The following SFTPA2 variants were observed in gnomAD, a reference collection of about 807,000 sequenced individuals.
The protein encoded by SFTPA2 is surfactant protein A2.
In SFTPA2, 21 loss-of-function variants were observed where a neutral mutation model predicts 20.3. The observed-to-expected ratio is 1.03, with a 90% CI of 0.73 to 1.49. SFTPA2 has a LOEUF of 1.49. SFTPA2 is among the 40% of genes most tolerant of loss of function. The pLI is 0.00. For synonymous variants in SFTPA2, 116 were observed against 118.7 expected, an observed-to-expected ratio of 0.98 and a Z score of 0.15; for missense variants, 302 against 314.8, an observed-to-expected ratio of 0.96 and a Z score of 0.31.
At position 79,557,241 on chromosome 10, in the gene SFTPA2, G is replaced by A. The variant is rs1337448601; in HGVS notation, c.715C>T (p.Leu239=). Residue 239 remains leucine, a synonymous_variant, in exon 6 of 6, where the codon CTG becomes TTG. Coordinates refer to ENST00000372325, the MANE Select transcript of SFTPA2 (RefSeq NM_001098668.4). ...TDGQWNDRNC[L]YSRLTICEF ...TCACAGATGGTCAGTCGGGAGTACA[G>A]GCAGTTCCTGTCATTCCACTGCCCA... The A allele has an allele frequency of 1.2e-6, 2 of 1,614,144 alleles. No homozygotes were observed. Among genetic ancestry groups the A allele is most frequent in the African/African-American group, 1.3e-5 (1 of 75,026 alleles).
At chr10:79,560,050 A>G (rs899211120) in intron 1 of SFTPA2, 52 bp from the exon 2 acceptor site, 4 of 1,070,548 alleles carry the variant, frequency 3.7e-6, no homozygotes, top group Non-Finnish European at 2.3e-6. Flanking sequence ...CTTCAAGGTG[A>G]TCATCGGGGG....
In SFTPA2 at chr10:79,558,307, G is replaced by A. The variant is rs545083311; in HGVS notation, c.293-178C>T. Reference sequence around the variant, plus strand: ...TTCCAGTGTGTCTCCACACCCCGTGGTCCCCTATTCTTTAGTGAAGCCTTG... The same window carrying A: ...TTCCAGTGTGTCTCCACACCCCGTGATCCCCTATTCTTTAGTGAAGCCTTG... On this transcript the variant is annotated intron_variant, in intron 4 of 5. Coordinates refer to ENST00000372325, the MANE Select transcript of SFTPA2 (RefSeq NM_001098668.4). The A allele has an allele frequency of 7.1e-3, 6,806 of 956,524 alleles. 39 individuals carry two copies. Among genetic ancestry groups the A allele is most frequent in the South Asian group, 0.02 (413 of 20,674 alleles). The allele number at this position is 956,524 out of a possible 1,614,324, so 59.3% of individuals were successfully genotyped here.
chr10:79,559,528 G>A, intron 2 of SFTPA2, 22 bp from the exon 3 acceptor site: 2 of 1,609,376 alleles, frequency 1.2e-6, no homozygotes, highest in Non-Finnish European at 1.7e-6. Context: ...ATGGCCGTGA[G>A]CCCATCTGCC....
Position 79,558,100 on chromosome 10 carries a change from G to A in SFTPA2, c.322C>T (p.Gln108Ter). Residue 108 changes from glutamine to a stop codon, truncating the protein, a stop_gained, in exon 5 of 6, where the codon CAA becomes TAA. Transcript: ENST00000372325. LOFTEE classifies it low-confidence loss of function (END_TRUNC). ...GLPAHLDEEL[Q>*]ATLHDFRHQI... ...TGTCTGAAGTCGTGGAGTGTGGCTT[G>A]GAGCTCCTCATCTAGATGAGCTGGA... 6.2e-7 allele frequency: 1 copy of A among 1,614,024 alleles called. No individual in the cohort carries two copies.
rs17886890 is a variant in SFTPA2 at position 79,559,724 on chromosome 10, A to C, written c.-23-218T>G. The C allele has an allele frequency of 1.7e-3, 2,643 of 1,544,336 alleles. 2 individuals are homozygous for C. Among genetic ancestry groups the C allele is most frequent in the Non-Finnish European group, 1.9e-3 (2,214 of 1,143,042 alleles). ...CTCCGGCTGGAGGTTGTGGGGTCTCAAGACTGCTGAGGAGGAGGAAGAGTA... is the reference window on the plus strand; with the variant it reads ...CTCCGGCTGGAGGTTGTGGGGTCTCCAGACTGCTGAGGAGGAGGAAGAGTA... On this transcript the variant is annotated intron_variant, in intron 2 of 5. Coordinates refer to ENST00000372325, the MANE Select transcript of SFTPA2 (RefSeq NM_001098668.4).
chr10:79,559,927 A>G, intron 2 of SFTPA2, 42 bp downstream of exon 2: 1 of 1,359,482 alleles, frequency 7.4e-7, no homozygotes, highest in Admixed American at 3.1e-5. Context: ...GAGGTCACTC[A>G]CTCACTGACT....
At position 79,557,233 on chromosome 10, in the gene SFTPA2, G is replaced by A; in HGVS notation, c.723C>T (p.Ser241=). 6.2e-7 allele frequency: 1 copy of A among 1,614,130 alleles called. No individual in the cohort carries two copies. Among genetic ancestry groups the A allele is most frequent in the Non-Finnish European group, 8.5e-7 (1 of 1,180,020 alleles). The change falls in exon 6 of 6, where the codon TCC becomes TCT. Residue 241 remains serine, a synonymous_variant. Transcript: ENST00000372325. ...GQWNDRNCLY[S]RLTICEF ...CTCAGAACTCACAGATGGTCAGTCG[G>A]GAGTACAGGCAGTTCCTGTCATTCC...
intron 5 of SFTPA2, 79 bp downstream of exon 5, chr10:79,557,973 C>A: frequency 6.2e-7 from 1 of 1,603,478 alleles, no homozygotes; most frequent in Middle Eastern, 1.7e-4. Context: ...TTTGTCATCT[C>A]TATTCTAGAA....
intron 4 of SFTPA2, among the ~76,000 whole-genome samples, chr10:79,558,632 C>T (rs1278830416): frequency 6.6e-6 from 1 of 152,164 alleles, no homozygotes; most frequent in East Asian, 1.9e-4. Flanking sequence ...GTCCCTCGTC[C>T]CACACCTGAC....
chr10:79,557,351 T>C lies in SFTPA2; in HGVS notation c.605A>G (p.Asp202Gly). The C allele has an allele frequency of 2.5e-6, 4 of 1,614,148 alleles. No individual in the cohort carries two copies. The highest frequency in any genetic ancestry group is 3.4e-6 in the Non-Finnish European group (4 of 1,180,014). Reference protein sequence around the residue: ...GPSPGDFRYSDGTPVNYTNWY... With the variant: ...GPSPGDFRYSGGTPVNYTNWY... Reference sequence around the variant, plus strand: ...GTTGGTGTAGTTTACAGGGGTCCCATCTGAGTAGCGGAAGTCTCCAGGGCT... The same window carrying C: ...GTTGGTGTAGTTTACAGGGGTCCCACCTGAGTAGCGGAAGTCTCCAGGGCT... Residue 202 changes from aspartate to glycine, a missense_variant, in exon 6 of 6, where the codon GAT becomes GGT. By Grantham distance (94) the Asp-to-Gly change is moderately conservative. Around this residue, in one of 3 missense-constraint regions of SFTPA2, gnomAD observed 264 missense variants for 261.7 expected, o/e 1.01. Coordinates refer to ENST00000372325, the MANE Select transcript of SFTPA2 (RefSeq NM_001098668.4).
At chr10:79,559,757 C>G (rs142688009) in intron 2 of SFTPA2, 119,419 of 1,526,496 alleles carry the variant, frequency 0.078, 5,848 homozygotes, top group Admixed American at 0.2. Flanking sequence ...GTAAGGAGCT[C>G]TGGGGAGCCC....
At chr10:79,559,087 C>T in intron 3 of SFTPA2, 82 bp from the exon 4 acceptor site, 1 of 1,613,014 alleles carries the variant, frequency 6.2e-7, no homozygotes, top group Non-Finnish European at 8.5e-7. Context: ...CCCATTATCA[C>T]CGGGGCTGGC....
At position 79,557,236 on chromosome 10, in the gene SFTPA2, G is replaced by A. The variant is rs1439805082; in HGVS notation, c.720C>T (p.Tyr240=). 12 of 1,614,208 alleles carry A rather than the reference G, an allele frequency of 7.4e-6. No individual in the cohort carries two copies. Among genetic ancestry groups the A allele is most frequent in the Non-Finnish European group, 9.3e-6 (11 of 1,180,040 alleles). The part of the protein sequence containing the change: ...DGQWNDRNCL[Y]SRLTICEF ...AGAACTCACAGATGGTCAGTCGGGAGTACAGGCAGTTCCTGTCATTCCACT... is the reference window on the plus strand; with the variant it reads ...AGAACTCACAGATGGTCAGTCGGGAATACAGGCAGTTCCTGTCATTCCACT... Residue 240 remains tyrosine (Y), a synonymous_variant, in exon 6 of 6, where the codon TAC becomes TAT. Coordinates refer to ENST00000372325, the MANE Select transcript of SFTPA2 (RefSeq NM_001098668.4).
Position 79,557,542 on chromosome 10 carries a change from G to A in SFTPA2, c.414C>T (p.Val138=). The change falls in exon 6 of 6, where the codon GTC becomes GTT. Residue 138 remains valine, a synonymous_variant. Coordinates refer to ENST00000372325, the MANE Select transcript of SFTPA2 (RefSeq NM_001098668.4). ...TGATGGACTGCCCATTGCTGGAGAA[G>A]ACCTTCTCTCCTACTGTCATTATGG... The part of the protein sequence containing the change: ...QGSIMTVGEK[V]FSSNGQSITF... 2 of 1,612,750 alleles carry A rather than the reference G, an allele frequency of 1.2e-6. No individual in the cohort carries two copies. Among genetic ancestry groups the A allele is most frequent in the African/African-American group, 1.3e-5 (1 of 74,856 alleles).
rs371238981 is a variant in SFTPA2 at position 79,559,463 on chromosome 10, G to A, written c.21C>T (p.Ala7=). 4.3e-6 allele frequency: 7 copies of A among 1,613,034 alleles called. No individual in the cohort carries two copies. In the African/African-American group the frequency reaches 9.4e-5, roughly 22 times the overall value. ...AGGCTGCCATCAAGATGAGGGTGAG[G>A]GCCAGAGGGCACAGCCACATGGCTC... is the stretch of plus-strand genomic sequence containing the variant. MWLCPL[A]LTLILMAASG... is the part of the protein sequence containing the mutation. The change falls in exon 3 of 6, where the codon GCC becomes GCT. Residue 7 remains alanine, a synonymous_variant. Coordinates refer to ENST00000372325, the MANE Select transcript of SFTPA2 (RefSeq NM_001098668.4).
Position 79,558,908 on chromosome 10 carries a change from C to T in SFTPA2, c.270G>A (p.Glu90=), listed in dbSNP as rs190913552. 5.2e-5 allele frequency: 84 copies of T among 1,614,112 alleles called. 1 individual carries two copies. The East Asian group carries it at 1.7e-3, about 33-fold the overall frequency. Residue 90 remains glutamate (E), a synonymous_variant, in exon 4 of 6, where the codon GAG becomes GAA. Transcript: ENST00000372325. ...GVPGERGEKG[E]AGERGPPGLP... is the part of the protein sequence containing the mutation. ...CACCTGGAGGGCCTCTCTCGCCAGC[C>T]TCCCCCTTCTCTCCACGCTCTCCAG...
chr10:79,560,187 A>C lies in SFTPA2; in HGVS notation c.-54+177T>G, dbSNP rs17881246. The C allele has an allele frequency of 4.5e-3, 926 of 204,750 alleles. 12 individuals carry two copies. Among genetic ancestry groups the C allele is most frequent in the African/African-American group, 0.02 (865 of 42,398 alleles). 12.7% of individuals were successfully genotyped at this position (204,750 alleles called of 1,614,324 possible). ...ATCTGGCCAAGGAAGATATCAAAGC[A>C]TGAGGGTCTTTGTAGGTCATCCATG... On this transcript the variant is annotated intron_variant, in intron 1 of 5. Transcript: ENST00000372325.
chr10:79,558,232 T>G, intron 4 of SFTPA2, 103 bp from the exon 5 acceptor site: 5 of 1,606,672 alleles, frequency 3.1e-6, no homozygotes, highest in Non-Finnish European at 2.6e-6. Flanking sequence ...CTCTGCCCTT[T>G]CATTGCTGTT....
rs1736398935 is a variant in SFTPA2 at position 79,556,512 on chromosome 10, G to A, written c.*697C>T. 1 of 154,436 alleles carries A rather than the reference G, an allele frequency of 6.5e-6. No homozygotes were observed. Among genetic ancestry groups the A allele is most frequent in the African/African-American group, 2.4e-5 (1 of 41,452 alleles). The allele number at this position is 154,436 out of a possible 1,614,324, so 9.6% of individuals were successfully genotyped here. A position where few individuals can be genotyped will look rare whatever the true frequency, so the allele number is the denominator to read the frequency against. ...GTCTGCAGTGGGGGGCTCTTCCCTA[G>A]AGGCCTTGGCCGGCTGCCTCCAGGT... On this transcript the variant is annotated 3_prime_UTR_variant, in exon 6 of 6. Transcript: ENST00000372325.
Sources: gnomAD v4.1 joint callset for allele counts (sites outside exome capture counted in the v4.1 genomes callset) on GRCh38, gnomAD v4.1.1 for gene constraint, gnomAD v4.1.1 regional missense constraint, MANE v1.5 for transcripts, NCBI Gene and HGNC (gene_info 2026-07-23, HGNC 2026-07-21) for gene names.